The following CAMK2A variants were observed in gnomAD, a reference collection of about 807,000 sequenced individuals.
The protein encoded by CAMK2A is calcium/calmodulin dependent protein kinase II alpha.
CAMK2A carries 7 observed loss-of-function variants against 79.2 expected under a neutral mutation model. That is an observed-to-expected ratio of 0.09 (90% CI 0.05 to 0.17). The LOEUF is 0.17. CAMK2A is among the 10% of genes least tolerant of loss of function. The pLI is 1.00. For missense variants in CAMK2A, 214 were observed against 646.4 expected (o/e 0.33, Z 7.25); for synonymous variants, 242 against 251.7 (o/e 0.96, Z 0.36).
At chr5:150,246,529 T>A (rs114402742) in intron 12 of CAMK2A, among the ~76,000 whole-genome samples, 2,081 of 152,270 alleles carry the variant, frequency 0.014, 31 homozygotes, top group South Asian at 0.034. Flanking sequence ...AAAAAATTTT[T>A]AAAACACCCC....
chr5:150,248,447 T>C (rs1755674512), intron 11 of CAMK2A, among the ~76,000 whole-genome samples: 2 of 151,168 alleles, frequency 1.3e-5, no homozygotes, highest in African/African-American at 2.4e-5. Flanking sequence ...TAACTCGTCA[T>C]TTACATTAGG....
At position 150,221,744 on chromosome 5, in the gene CAMK2A, G is replaced by C; in HGVS notation, c.*966C>G. 1 of 343,292 alleles carries C rather than the reference G, an allele frequency of 2.9e-6. No individual in the cohort carries two copies. The allele number at this position is 343,292 out of a possible 1,614,324, so 21.3% of individuals were successfully genotyped here. A position where few individuals can be genotyped will look rare whatever the true frequency, so the allele number is the denominator to read the frequency against. ...CACAGGTGACAAGGTCCACCTCAGA[G>C]ATGACAAAAAAAAAAAAAAAAACTA... On this transcript the variant is annotated 3_prime_UTR_variant, in exon 19 of 19. Coordinates refer to ENST00000671881, the MANE Select transcript of CAMK2A (RefSeq NM_015981.4).
upstream of CAMK2A, chr5:150,289,999 G>T (rs1757597610): frequency 4.7e-6 from 1 of 212,402 alleles, no homozygotes; most frequent in Non-Finnish European, 9.4e-6. Flanking sequence ...CACCCCTGGG[G>T]TGATGGACCC....
chr5:150,250,724 G>A lies in CAMK2A; in HGVS notation c.780C>T (p.Ile260=). Residue 260 remains isoleucine, a synonymous_variant, in exon 10 of 19, where the codon ATC becomes ATT. Transcript: ENST00000671881. The part of the protein sequence containing the change: ...KMLTINPSKR[I]TAAEALKHPW... ...GGTGCTTAAGGGCTTCGGCAGCTGT[G>A]ATGCGTTTGGATGGGTTAATGGTCA... is the stretch of plus-strand genomic sequence containing the variant. 6.2e-7 allele frequency: 1 copy of A among 1,614,140 alleles called. No homozygotes were observed. The highest frequency in any genetic ancestry group is 8.5e-7 in the Non-Finnish European group (1 of 1,180,014).
intron 1 of CAMK2A, among the ~76,000 whole-genome samples, chr5:150,287,836 G>C (rs1320424297): frequency 6.6e-6 from 1 of 152,072 alleles, no homozygotes; most frequent in Non-Finnish European, 1.5e-5. Context: ...CGCAAAAAAA[G>C]CACATTCAGA....
chr5:150,268,015 A>G lies in CAMK2A; in HGVS notation c.158-3000T>C, dbSNP rs1035239388. Among the ~76,000 whole-genome samples the G allele has an allele frequency of 1.4e-4, 22 of 152,114 alleles. 1 individual carries two copies. Among genetic ancestry groups the G allele is most frequent in the African/African-American group, 4.6e-4 (19 of 41,486 alleles). On this transcript the variant is annotated intron_variant, in intron 2 of 18. Transcript: ENST00000671881. Reference sequence around the variant, plus strand: ...CAGCCTCCCGAGTAGCTGGGACTACAGGCACATGCCACCATGCCAGGCTAA... The same window carrying G: ...CAGCCTCCCGAGTAGCTGGGACTACGGGCACATGCCACCATGCCAGGCTAA...
chr5:150,285,350 A>C (rs181651982), intron 1 of CAMK2A, among the ~76,000 whole-genome samples: 1 of 152,292 alleles, frequency 6.6e-6, no homozygotes, highest in East Asian at 1.9e-4. Flanking sequence ...AGTGCTGTGG[A>C]TAGGAGAGGG....
rs1754245868 is a variant in CAMK2A, at chr5:150,220,354, G to A, written c.*2356C>T. 2 of 152,406 alleles carry A rather than the reference G, an allele frequency of 1.3e-5. No individual in the cohort carries two copies. The highest frequency in any genetic ancestry group is 1.5e-5 in the Non-Finnish European group (1 of 68,074). 9.4% of individuals were successfully genotyped at this position (152,406 alleles called of 1,614,324 possible). A position where few individuals can be genotyped will look rare whatever the true frequency, so the allele number is the denominator to read the frequency against. ...CACCGACGAGGGGAATCAGGGGCAG[G>A]TGGGGGAGGGGATGGAGCCTGACCA... On this transcript the variant is annotated 3_prime_UTR_variant, in exon 19 of 19. Coordinates refer to ENST00000671881, the MANE Select transcript of CAMK2A (RefSeq NM_015981.4).
intron 1 of CAMK2A, among the ~76,000 whole-genome samples, chr5:150,281,021 T>C (rs1757192588): frequency 6.6e-6 from 1 of 152,226 alleles, no homozygotes. Context: ...AAGCAGTCCA[T>C]GACTCTGCAA....
intron 1 of CAMK2A, among the ~76,000 whole-genome samples, chr5:150,286,503 T>C (rs1359725467): frequency 6.6e-6 from 1 of 152,194 alleles, no homozygotes; most frequent in African/African-American, 2.4e-5. Context: ...GGATTTGCCC[T>C]CCTCTCCTGC....
chr5:150,251,119 T>A (rs1755813540), intron 9 of CAMK2A, among the ~76,000 whole-genome samples: 1 of 152,254 alleles, frequency 6.6e-6, no homozygotes, highest in Admixed American at 6.5e-5. Context: ...GTCCTGGCTC[T>A]GCCTCCTGGG....
chr5:150,250,900 G>T, intron 9 of CAMK2A, 90 bp from the exon 10 acceptor site: 2 of 1,450,036 alleles, frequency 1.4e-6, no homozygotes, highest in Non-Finnish European at 1.9e-6. Context: ...GAGCAGGCAG[G>T]GGTCCTACTG....
chr5:150,239,655 G>T (rs1481174347), intron 14 of CAMK2A, 49 bp downstream of exon 14: 2 of 1,592,378 alleles, frequency 1.3e-6, no homozygotes, highest in Admixed American at 3.3e-5. Context: ...GCAGGAGCAA[G>T]GGTTCGAGGC....
At chr5:150,263,602 C>T (rs996696495) in intron 3 of CAMK2A, among the ~76,000 whole-genome samples, 18 of 151,854 alleles carry the variant, frequency 1.2e-4, no homozygotes, top group East Asian at 5.8e-4. Flanking sequence ...TACACTCACA[C>T]GCACACATTC....
At chr5:150,252,725 A>T (rs1349679177) in intron 7 of CAMK2A, among the ~76,000 whole-genome samples, 2 of 152,198 alleles carry the variant, frequency 1.3e-5, no homozygotes, top group Non-Finnish European at 2.9e-5. Context: ...TATGCTAAGC[A>T]TTGGGCTGAG....
intron 3 of CAMK2A, among the ~76,000 whole-genome samples, chr5:150,260,775 G>A (rs1756273420): frequency 1.3e-5 from 2 of 152,208 alleles, no homozygotes; most frequent in South Asian, 4.1e-4. Context: ...AAAAGTATTT[G>A]TCTTCTCATT....
At chr5:150,235,361 G>A (rs1331183483) in intron 15 of CAMK2A, among the ~76,000 whole-genome samples, 4 of 152,198 alleles carry the variant, frequency 2.6e-5, no homozygotes, top group Non-Finnish European at 5.9e-5. Context: ...TGTTCATTCA[G>A]CAGCTGCTTA....
chr5:150,254,874 A>C (rs1195435068), intron 6 of CAMK2A, among the ~76,000 whole-genome samples: 2 of 152,140 alleles, frequency 1.3e-5, no homozygotes, highest in African/African-American at 4.8e-5. Flanking sequence ...AAATGTTAGT[A>C]CTTCTATTTT....
chr5:150,246,688 G>T (rs1755581886), intron 12 of CAMK2A, among the ~76,000 whole-genome samples: 1 of 152,188 alleles, frequency 6.6e-6, no homozygotes, highest in South Asian at 2.1e-4. Flanking sequence ...GGAATGGCAG[G>T]ATCCTTGTCC....
Sources: allele counts gnomAD v4.1 joint callset (sites outside exome capture counted in the v4.1 genomes callset), GRCh38; gene constraint gnomAD v4.1.1; transcripts MANE v1.5; gene names NCBI Gene and HGNC (gene_info 2026-07-23, HGNC 2026-07-21).